The following DENND1B variants were observed in gnomAD, a reference collection of about 807,000 sequenced individuals.
DENND1B encodes DENN domain containing 1B, also known as DENN domain-containing protein 1B.
Under a neutral mutation model 90.1 loss-of-function variants are expected in DENND1B, and 59 were observed. The observed-to-expected ratio is 0.65, with a 90% confidence interval of 0.53 to 0.81. The LOEUF is 0.81. Ranked by LOEUF, DENND1B falls within the 40% of genes least tolerant of loss-of-function variation. The probability of loss-of-function intolerance (pLI) is 0.00; values close to 1 mark genes in which losing one functional copy is unlikely to be tolerated. For missense variants in DENND1B, 862 were observed against 912.6 expected, an observed-to-expected ratio of 0.94 and a Z score of 0.71; for synonymous variants, 337 against 324.6, an observed-to-expected ratio of 1.04 and a Z score of -0.41.
chr1:197,628,928 G>T (rs1159551506), intron 10 of DENND1B, among the ~76,000 whole-genome samples: 2 of 152,050 alleles, frequency 1.3e-5, no homozygotes, highest in African/African-American at 4.8e-5. Context: ...ATGAAAAAAT[G>T]CTCACCATCA....
intron 20 of DENND1B, among the ~76,000 whole-genome samples, chr1:197,523,642 ACT>A (rs372703356): frequency 5.1e-4 from 77 of 152,224 alleles, no homozygotes; most frequent in African/African-American, 1.8e-3. Flanking sequence ...TCTTTAGAAG[ACT>A]CTACTCTAAG....
At chr1:197,633,270 T>C (rs1679494469) in intron 10 of DENND1B, among the ~76,000 whole-genome samples, 1 of 152,178 alleles carries the variant, frequency 6.6e-6, no homozygotes, top group Admixed American at 6.5e-5. Context: ...GGAATTCAAA[T>C]ATGTGTAGAA....
intron 6 of DENND1B, 77 bp downstream of exon 6, chr1:197,658,223 T>C (rs1654047275): frequency 8.3e-7 from 1 of 1,199,032 alleles, no homozygotes; most frequent in Non-Finnish European, 1.2e-6. Flanking sequence ...AACTATACAC[T>C]TAAAAATGGT....
At chr1:197,705,760 A>ATGAG (rs1237121865) in intron 3 of DENND1B, among the ~76,000 whole-genome samples, 6 of 151,838 alleles carry the variant, frequency 4.0e-5, no homozygotes, top group Non-Finnish European at 8.8e-5. Flanking sequence ...GAATGGTAAA[A>ATGAG]TGAGTGAGCA....
chr1:197,529,642 C>A (rs1453362721), intron 20 of DENND1B, among the ~76,000 whole-genome samples: 2 of 151,890 alleles, frequency 1.3e-5, no homozygotes, highest in East Asian at 3.9e-4. Context: ...TAATATGGAG[C>A]AATATCTCAG....
chr1:197,616,606 T>C (rs1294061694), intron 11 of DENND1B, among the ~76,000 whole-genome samples: 1 of 151,110 alleles, frequency 6.6e-6, no homozygotes, highest in Non-Finnish European at 1.5e-5. Flanking sequence ...ACATGTGTTG[T>C]CACTACAATC....
intron 15 of DENND1B, among the ~76,000 whole-genome samples, chr1:197,561,522 T>C (rs1672162245): frequency 6.6e-6 from 1 of 151,846 alleles, no homozygotes; most frequent in South Asian, 2.1e-4. Context: ...TCTCATCTAA[T>C]CTACATGCTG....
chr1:197,563,138 C>T (rs1672317668), intron 15 of DENND1B, among the ~76,000 whole-genome samples: 1 of 151,960 alleles, frequency 6.6e-6, no homozygotes, highest in African/African-American at 2.4e-5. Context: ...GATGCAGAAG[C>T]TGTAGCAAGT....
chr1:197,667,120 G>A (rs111389294), intron 5 of DENND1B, among the ~76,000 whole-genome samples: 7,216 of 148,544 alleles, frequency 0.049, 597 homozygotes, highest in African/African-American at 0.17. Flanking sequence ...GCCGCAGAGC[G>A]AGACTCCATC....
intron 2 of DENND1B, chr1:197,761,924 G>GT (rs934586351): frequency 2.0e-5 from 3 of 149,516 alleles, no homozygotes; most frequent in African/African-American, 5.0e-5. Flanking sequence ...AAAAAAAAAA[G>GT]TTTTTTTTAA....
chr1:197,752,334 T>C (rs2102415657), intron 2 of DENND1B, among the ~76,000 whole-genome samples: 1 of 152,056 alleles, frequency 6.6e-6, no homozygotes, highest in East Asian at 1.9e-4. Context: ...TTACCAAAAC[T>C]GACACAAGCA....
At chr1:197,714,335 A>G (rs1213922812) in intron 3 of DENND1B, among the ~76,000 whole-genome samples, 1 of 152,138 alleles carries the variant, frequency 6.6e-6, no homozygotes, top group Non-Finnish European at 1.5e-5. Flanking sequence ...TATTTACCAT[A>G]TATTACATAT....
At chr1:197,773,512 T>C (rs1232973664) in intron 1 of DENND1B, among the ~76,000 whole-genome samples, 1 of 152,252 alleles carries the variant, frequency 6.6e-6, no homozygotes, top group Non-Finnish European at 1.5e-5. Flanking sequence ...ATGTATTTAC[T>C]GTACTTATGC....
At chr1:197,546,323 G>C (rs949655119) in intron 17 of DENND1B, among the ~76,000 whole-genome samples, 1 of 152,090 alleles carries the variant, frequency 6.6e-6, no homozygotes, top group Non-Finnish European at 1.5e-5. Flanking sequence ...AAGTTTATCA[G>C]CTGTTTTAAT....
chr1:197,727,569 T>A (rs956019366), intron 2 of DENND1B, among the ~76,000 whole-genome samples: 2 of 151,486 alleles, frequency 1.3e-5, no homozygotes, highest in South Asian at 4.2e-4. Context: ...AGAAAACATA[T>A]AATTATCAAG....
intron 16 of DENND1B, among the ~76,000 whole-genome samples, chr1:197,550,673 G>A (rs1215685365): frequency 6.6e-6 from 1 of 150,960 alleles, no homozygotes; most frequent in Non-Finnish European, 1.5e-5. Context: ...GGGGTGAGGG[G>A]GGGGGGGAGG....
At chr1:197,601,270 C>G (rs1676185095) in intron 13 of DENND1B, among the ~76,000 whole-genome samples, 1 of 151,668 alleles carries the variant, frequency 6.6e-6, no homozygotes, top group Admixed American at 6.6e-5. Flanking sequence ...ATCTAACAAT[C>G]TGTTCCATGC....
intron 10 of DENND1B, among the ~76,000 whole-genome samples, chr1:197,634,821 C>T (rs1337417562): frequency 1.3e-5 from 2 of 152,110 alleles, no homozygotes; most frequent in African/African-American, 4.8e-5. Context: ...AAACTCCCGT[C>T]TCTACAAAAA....
At chr1:197,766,969 T>A (rs546136008) in intron 2 of DENND1B, among the ~76,000 whole-genome samples, 1 of 152,006 alleles carries the variant, frequency 6.6e-6, no homozygotes, top group Non-Finnish European at 1.5e-5. Flanking sequence ...AAATTTTGTA[T>A]TTTTAGTAGA....
Sources: allele counts gnomAD v4.1 joint callset (sites outside exome capture counted in the v4.1 genomes callset), GRCh38; gene constraint gnomAD v4.1.1; transcripts MANE v1.5; gene names NCBI Gene and HGNC (gene_info 2026-07-23, HGNC 2026-07-21).